The following ERLIN2 variants were observed in gnomAD, a reference collection of about 807,000 sequenced individuals.
ERLIN2 encodes the protein ER lipid raft associated 2.
A neutral mutation model predicts 41.5 loss-of-function variants in ERLIN2; 22 were observed. That is an observed-to-expected ratio of 0.53 (90% CI 0.38 to 0.76). The LOEUF (loss-of-function observed/expected upper bound fraction) is 0.76. Among genes scored for constraint, ERLIN2 ranks in the 30% least tolerant of loss-of-function variants. The pLI is 0.00. For synonymous variants in ERLIN2, 149 were observed against 150.9 expected, an observed-to-expected ratio of 0.99 and a Z score of 0.09; for missense variants, 247 against 414.3, an observed-to-expected ratio of 0.60 and a Z score of 3.51.
In ERLIN2 at chr8:37,756,795, C is replaced by G. The variant is rs1803368682; in HGVS notation, c.*2680C>G. 3.3e-5 allele frequency: 5 copies of G among 152,678 alleles called. No homozygotes were observed. In the South Asian group the frequency reaches 1.0e-3, roughly 32 times the overall value. The allele number at this position is 152,678 out of a possible 1,614,324, so 9.5% of individuals were successfully genotyped here. ...AATTTTGTAGACAGTGAAGTAATGG[C>G]TGCTATTTATAAATGGAACATCTAT... On this transcript the variant is annotated 3_prime_UTR_variant, in exon 12 of 12. Transcript: ENST00000519638.
intron 5 of ERLIN2, 54 bp from the exon 6 acceptor site, chr8:37,744,517 A>C (rs948623331): frequency 1.9e-6 from 3 of 1,613,316 alleles, no homozygotes; most frequent in Non-Finnish European, 2.5e-6. Flanking sequence ...GCCGTGTCTG[A>C]GGGCATTTTG....
chr8:37,753,490 T>C lies in ERLIN2; in HGVS notation c.780T>C (p.Ala260=). The C allele has an allele frequency of 5.0e-6, 8 of 1,614,160 alleles. No homozygotes were observed. The highest frequency in any genetic ancestry group is 6.8e-6 in the Non-Finnish European group (8 of 1,180,032). Residue 260 remains alanine (A), a synonymous_variant, in exon 11 of 12, where the codon GCT becomes GCC. Transcript: ENST00000519638. ...CCCGGGAGAAGGCAAAGGCAGATGC[T>C]GAGTGCTACACTGCTATGAAAATAG... ...FLAREKAKAD[A]ECYTAMKIAE... is the part of the protein sequence containing the mutation.
chr8:37,747,333 TG>T, intron 6 of ERLIN2: 1 of 1,216,950 alleles, frequency 8.2e-7, no homozygotes, highest in Non-Finnish European at 1.2e-6. Context: ...AAAAAAAGCC[TG>T]GTTATTTGAA....
rs139304613 is a variant in ERLIN2, at chr8:37,751,498, G to A, written c.650-128G>A. 5,171 of 736,756 alleles carry A rather than the reference G, an allele frequency of 7.0e-3. 39 individuals carry two copies. Among genetic ancestry groups the A allele is most frequent in the Admixed American group, 0.012 (609 of 50,028 alleles). The allele number at this position is 736,756 out of a possible 1,614,324, so 45.6% of individuals were successfully genotyped here. On this transcript the variant is annotated intron_variant, in intron 9 of 11. Coordinates refer to ENST00000519638, the MANE Select transcript of ERLIN2 (RefSeq NM_007175.8). ...GGCATATCCCACTCTGCCCTTGTGTGCACTCACAGCTGCCCTCTGGGGGCT... is the reference window on the plus strand; with the variant it reads ...GGCATATCCCACTCTGCCCTTGTGTACACTCACAGCTGCCCTCTGGGGGCT...
At chr8:37,746,372 T>C (rs368489873) in intron 6 of ERLIN2, 9 of 985,284 alleles carry the variant, frequency 9.1e-6, no homozygotes, top group East Asian at 2.3e-4. Context: ...TCTTTGTGTG[T>C]ACTTAGTAAT....
At position 37,745,782 on chromosome 8, in the gene ERLIN2, C is replaced by T. The variant is rs910631527; in HGVS notation, c.424+1086C>T. ...AAATTCATTTTATAGGGTTTGTAGT[C>T]TTTTATCTGTTTTGGATTCACTGTG... On this transcript the variant is annotated intron_variant, in intron 6 of 11. Coordinates refer to ENST00000519638, the MANE Select transcript of ERLIN2 (RefSeq NM_007175.8). 3 of 1,441,196 alleles carry T rather than the reference C, an allele frequency of 2.1e-6. No individual in the cohort carries two copies. In the African/African-American group the frequency reaches 4.3e-5, roughly 21 times the overall value. 89.3% of individuals were successfully genotyped at this position (1,441,196 alleles called of 1,614,324 possible).
At chr8:37,737,806 T>TG in intron 1 of ERLIN2, 102 bp from the exon 2 acceptor site, 2 of 1,385,344 alleles carry the variant, frequency 1.4e-6, no homozygotes, top group African/African-American at 2.8e-5. Context: ...AGGCTGGATA[T>TG]GAGTCACTCG....
intron 2 of ERLIN2, among the ~76,000 whole-genome samples, chr8:37,739,357 T>C: frequency 6.6e-6 from 1 of 152,272 alleles, no homozygotes. Context: ...AATTATTCTT[T>C]TGGTTGGTCA....
intron 2 of ERLIN2, among the ~76,000 whole-genome samples, chr8:37,740,097 GGTTCTGCT>G (rs201612662): frequency 0.013 from 1,956 of 152,186 alleles, 47 homozygotes; most frequent in African/African-American, 0.045. Context: ...TGCACTAGTG[GGTTCTGCT>G]GTCTTTATTC....
At chr8:37,747,345 C>G (rs1419520038) in intron 6 of ERLIN2, 4 of 1,293,196 alleles carry the variant, frequency 3.1e-6, no homozygotes, top group Non-Finnish European at 4.5e-6. Context: ...GTTATTTGAA[C>G]TGGTTGTCAA....
intron 6 of ERLIN2, chr8:37,745,795 T>G (rs1803025616): frequency 7.1e-7 from 1 of 1,405,626 alleles, no homozygotes; most frequent in African/African-American, 1.4e-5. Context: ...TTATCTGTTT[T>G]GGATTCACTG....
chr8:37,739,613 T>G (rs1802780889), intron 2 of ERLIN2, among the ~76,000 whole-genome samples: 1 of 152,010 alleles, frequency 6.6e-6, no homozygotes, highest in South Asian at 2.1e-4. Context: ...TAGCTGGGAT[T>G]ACAGGTGCCT....
At position 37,755,148 on chromosome 8, in the gene ERLIN2, AT is replaced by A. The variant is rs773632461; in HGVS notation, c.*1035del. The A allele has an allele frequency of 6.6e-6, 1 of 152,268 alleles. No homozygotes were observed. The highest frequency in any genetic ancestry group is 1.5e-5 in the Non-Finnish European group (1 of 68,072). 9.4% of individuals were successfully genotyped at this position (152,268 alleles called of 1,614,324 possible). A position where few individuals can be genotyped will look rare whatever the true frequency, so the allele number is the denominator to read the frequency against. ...TCTGACTTAGTGATAAAAGGACTCTATTCACTAAGTAGCCTGTGTTTTTAAA... is the reference window on the plus strand; with the variant it reads ...TCTGACTTAGTGATAAAAGGACTCTATCACTAAGTAGCCTGTGTTTTTAAA... On this transcript the variant is annotated 3_prime_UTR_variant, in exon 12 of 12. Transcript: ENST00000519638.
chr8:37,744,262 C>T, intron 4 of ERLIN2, 93 bp from the exon 5 acceptor site: 1 of 1,104,874 alleles, frequency 9.1e-7, no homozygotes, highest in East Asian at 2.3e-5. Flanking sequence ...TACTCCTTTT[C>T]TGCCAAGCCC....
In ERLIN2 at chr8:37,751,728, G is replaced by A. The variant is rs1299675796; in HGVS notation, c.739+13G>A. The A allele has an allele frequency of 3.7e-6, 6 of 1,605,980 alleles. No homozygotes were observed. In the East Asian group the frequency reaches 6.7e-5, roughly 18 times the overall value. On this transcript the variant is annotated intron_variant, in intron 10 of 11. Coordinates refer to ENST00000519638, the MANE Select transcript of ERLIN2 (RefSeq NM_007175.8). ...TCAGAAATTGAAGGTAAGCAGAAGT[G>A]GCAGTCATGCCTGAGTCCTCCTCAG...
intron 6 of ERLIN2, chr8:37,745,011 A>G (rs1252893372): frequency 1.5e-5 from 9 of 599,724 alleles, no homozygotes; most frequent in Non-Finnish European, 2.4e-5. Context: ...TCTATAATGA[A>G]GACAAGGTCC....
At chr8:37,740,076 A>G (rs941032205) in intron 2 of ERLIN2, among the ~76,000 whole-genome samples, 2 of 152,106 alleles carry the variant, frequency 1.3e-5, no homozygotes, top group Non-Finnish European at 2.9e-5. Flanking sequence ...AGCCCCGCAA[A>G]GCGCTGGGAC....
At chr8:37,739,196 T>C (rs1333802801) in intron 2 of ERLIN2, among the ~76,000 whole-genome samples, 2 of 152,230 alleles carry the variant, frequency 1.3e-5, no homozygotes, top group African/African-American at 2.4e-5. Flanking sequence ...AAAACTCTGA[T>C]TGGAATTCCT....
chr8:37,741,680 G>A lies in ERLIN2; in HGVS notation c.190-92G>A. On this transcript the variant is annotated intron_variant, in intron 3 of 11. Coordinates refer to ENST00000519638, the MANE Select transcript of ERLIN2 (RefSeq NM_007175.8). This position sits in a 1 kb window ranked among gnomAD's most constrained non-coding sequence, Gnocchi z 4.8. ...ATGAAGGCCATGCTCAACCCAAACA[G>A]TTATTCCAGGACAAAGGCATTTAGG... is the stretch of plus-strand genomic sequence containing the variant. 1.0e-6 allele frequency: 1 copy of A among 957,584 alleles called. No individual in the cohort carries two copies. Among genetic ancestry groups the A allele is most frequent in the Non-Finnish European group, 1.7e-6 (1 of 583,014 alleles). 59.3% of individuals were successfully genotyped at this position (957,584 alleles called of 1,614,324 possible).
Sources: gnomAD v4.1 joint callset for allele counts (sites outside exome capture counted in the v4.1 genomes callset) on GRCh38, gnomAD v4.1.1 for gene constraint, Gnocchi (gnomAD v3.1) non-coding constraint, MANE v1.5 for transcripts, NCBI Gene and HGNC (gene_info 2026-07-23, HGNC 2026-07-21) for gene names.